MACROD2: variants seen among roughly 807,000 people sequenced by gnomAD.
MACROD2 encodes ADP-ribose glycohydrolase MACROD2.
In MACROD2, 36 loss-of-function variants were observed where a neutral mutation model predicts 70.4. The ratio of observed to expected loss-of-function variants is 0.51; its 90% CI spans 0.39 to 0.68. The LOEUF is 0.68. Ranked by LOEUF, MACROD2 falls within the 30% of genes least tolerant of loss-of-function variation. MACROD2 has a pLI of 0.00. For synonymous variants in MACROD2, 172 were observed against 178.8 expected, an observed-to-expected ratio of 0.96 and a Z score of 0.30; for missense variants, 496 against 538.4, an observed-to-expected ratio of 0.92 and a Z score of 0.78.
At chr20:16,031,856 G>T (rs531283456) in intron 15 of MACROD2, among the ~76,000 whole-genome samples, 1 of 152,100 alleles carries the variant, frequency 6.6e-6, no homozygotes. Flanking sequence ...TTAAGTAAAT[G>T]AAAACTGAGA....
chr20:15,313,875 T>C (rs922033817), intron 6 of MACROD2, among the ~76,000 whole-genome samples: 3 of 151,896 alleles, frequency 2.0e-5, no homozygotes, highest in African/African-American at 7.3e-5. Flanking sequence ...TTCAAAAATA[T>C]TTTTTATTTC....
intron 6 of MACROD2, among the ~76,000 whole-genome samples, chr20:15,391,749 C>T (rs998577938): frequency 1.1e-4 from 16 of 152,174 alleles, no homozygotes; most frequent in Admixed American, 9.2e-4. Flanking sequence ...GTCTGGGTCT[C>T]GTTCATTAAA....
intron 4 of MACROD2, among the ~76,000 whole-genome samples, chr20:14,610,462 C>T (rs1177349165): frequency 6.6e-6 from 1 of 151,668 alleles, no homozygotes; most frequent in Non-Finnish European, 1.5e-5. Flanking sequence ...TCATTTTTAC[C>T]TGAGGTTTCT....
intron 4 of MACROD2, among the ~76,000 whole-genome samples, chr20:14,658,360 A>T (rs2123527428): frequency 6.6e-6 from 1 of 152,298 alleles, no homozygotes; most frequent in East Asian, 1.9e-4. Flanking sequence ...AAATTATCTT[A>T]ATACTTTCTG....
At chr20:14,786,990 G>A (rs942540185) in intron 5 of MACROD2, among the ~76,000 whole-genome samples, 3 of 152,038 alleles carry the variant, frequency 2.0e-5, no homozygotes, top group African/African-American at 7.3e-5. Context: ...AATTTCTAAG[G>A]AGGTCAAGGT....
At chr20:15,233,670 A>G (rs904471205) in intron 6 of MACROD2, among the ~76,000 whole-genome samples, 26 of 152,084 alleles carry the variant, frequency 1.7e-4, no homozygotes, top group Non-Finnish European at 5.9e-5. Flanking sequence ...TTTAGGTGGT[A>G]AAGGAAAAAG....
At chr20:15,721,966 CTTA>C (rs796699009) in intron 8 of MACROD2, among the ~76,000 whole-genome samples, 29 of 152,218 alleles carry the variant, frequency 1.9e-4, no homozygotes, top group African/African-American at 6.5e-4. Flanking sequence ...GTTTTTGAAT[CTTA>C]TATAAATGAA....
chr20:16,003,911 T>G (rs1234322465), intron 15 of MACROD2, among the ~76,000 whole-genome samples: 1 of 152,162 alleles, frequency 6.6e-6, no homozygotes, highest in East Asian at 1.9e-4. Flanking sequence ...CCTCCTGGTC[T>G]GCCCGCCTCG....
chr20:15,294,054 G>A (rs1487043775), intron 6 of MACROD2, among the ~76,000 whole-genome samples: 1 of 151,054 alleles, frequency 6.6e-6, no homozygotes, highest in Non-Finnish European at 1.5e-5. Context: ...ACAGGAGGTG[G>A]AGGTTGCAGT....
intron 4 of MACROD2, among the ~76,000 whole-genome samples, chr20:14,497,930 G>A (rs1478652085): frequency 1.3e-5 from 2 of 151,676 alleles, no homozygotes; most frequent in Admixed American, 6.6e-5. Context: ...TGTCCAACGC[G>A]AGAACAGAGA....
chr20:14,743,720 A>G (rs1267878862), intron 5 of MACROD2, among the ~76,000 whole-genome samples: 2 of 152,222 alleles, frequency 1.3e-5, no homozygotes, highest in Non-Finnish European at 2.9e-5. Flanking sequence ...ATGTCCTTCC[A>G]TATATGTCCA....
chr20:15,167,325 TA>T (rs1653925717), intron 5 of MACROD2, among the ~76,000 whole-genome samples: 1 of 152,186 alleles, frequency 6.6e-6, no homozygotes, highest in African/African-American at 2.4e-5. Context: ...GCTTTATCTG[TA>T]TTTGTGAAAA....
At chr20:15,445,150 A>G (rs1235960988) in intron 7 of MACROD2, among the ~76,000 whole-genome samples, 1 of 152,188 alleles carries the variant, frequency 6.6e-6, no homozygotes, top group Non-Finnish European at 1.5e-5. Context: ...GGATGATACC[A>G]GTCAGTGGTC....
intron 8 of MACROD2, among the ~76,000 whole-genome samples, chr20:15,509,908 C>T (rs1600512833): frequency 1.3e-5 from 2 of 152,322 alleles, no homozygotes; most frequent in South Asian, 2.1e-4. Context: ...ATAGCACAAT[C>T]AGACCTGTAA....
intron 8 of MACROD2, among the ~76,000 whole-genome samples, chr20:15,633,057 T>C (rs557377685): frequency 1.3e-5 from 2 of 152,312 alleles, no homozygotes; most frequent in African/African-American, 2.4e-5. Context: ...AACTGAGTTA[T>C]AGATTGTGAA....
intron 7 of MACROD2, among the ~76,000 whole-genome samples, chr20:15,494,168 C>T (rs931040629): frequency 6.6e-6 from 1 of 152,182 alleles, no homozygotes; most frequent in Non-Finnish European, 1.5e-5. Flanking sequence ...TACATCTCAA[C>T]ATGCTAAATA....
At chr20:15,687,821 G>A (rs951939539) in intron 8 of MACROD2, among the ~76,000 whole-genome samples, 1 of 152,150 alleles carries the variant, frequency 6.6e-6, no homozygotes, top group Non-Finnish European at 1.5e-5. Flanking sequence ...GGGTGGAAAA[G>A]GACTATACTA....
chr20:14,627,516 CT>C (rs552935492), intron 4 of MACROD2, among the ~76,000 whole-genome samples: 79 of 152,150 alleles, frequency 5.2e-4, no homozygotes, highest in Non-Finnish European at 9.6e-4. Context: ...TCTCTCACTA[CT>C]TTACAGGCAT....
At chr20:15,329,978 T>G (rs933358474) in intron 6 of MACROD2, among the ~76,000 whole-genome samples, 1 of 152,018 alleles carries the variant, frequency 6.6e-6, no homozygotes, top group African/African-American at 2.4e-5. Context: ...AGAAACATCC[T>G]TATCTCTGAA....
Sources: gnomAD v4.1 joint callset for allele counts (sites outside exome capture counted in the v4.1 genomes callset) on GRCh38, gnomAD v4.1.1 for gene constraint, MANE v1.5 for transcripts, NCBI Gene and HGNC (gene_info 2026-07-23, HGNC 2026-07-21) for gene names.